Variants in ZFYVE28 observed in about 807,000 individuals in gnomAD.
ZFYVE28 encodes the protein lateral signaling target protein 2 homolog.
In ZFYVE28, 40 loss-of-function variants were observed where a neutral mutation model predicts 82.1. The ratio of observed to expected loss-of-function variants is 0.49; its 90% CI spans 0.38 to 0.63. The LOEUF (loss-of-function observed/expected upper bound fraction) is 0.63. Among genes scored for constraint, ZFYVE28 ranks in the 30% least tolerant of loss-of-function variants. The probability of loss-of-function intolerance (pLI) is 0.00; values close to 1 mark genes in which losing one functional copy is unlikely to be tolerated. For synonymous variants in ZFYVE28, 612 were observed against 546.1 expected, an observed-to-expected ratio of 1.12 and a Z score of -1.68; for missense variants, 1,321 against 1,242.1, an observed-to-expected ratio of 1.06 and a Z score of -0.96.
chr4:2,385,650 T>C (rs1729182324), intron 1 of ZFYVE28, among the ~76,000 whole-genome samples: 1 of 152,238 alleles, frequency 6.6e-6, no homozygotes, highest in Non-Finnish European at 1.5e-5. Flanking sequence ...AGGGCTGACC[T>C]CTGACCTCCT....
chr4:2,418,382 G>A lies in ZFYVE28; in HGVS notation c.-59C>T. ...CCTCGCCCTCCGCAGCGCTGCGCCCGGGCCCGGCTGAGGCGCGGGGCGGAC... is the reference window on the plus strand; with the variant it reads ...CCTCGCCCTCCGCAGCGCTGCGCCCAGGCCCGGCTGAGGCGCGGGGCGGAC... On this transcript the variant is annotated 5_prime_UTR_variant, in exon 1 of 13. Coordinates refer to ENST00000290974, the MANE Select transcript of ZFYVE28 (RefSeq NM_020972.3). This position sits in a 1 kb window ranked among gnomAD's most constrained non-coding sequence, Gnocchi z 4.6. The A allele has an allele frequency of 1.6e-6, 2 of 1,237,370 alleles. No homozygotes were observed. Among genetic ancestry groups the A allele is most frequent in the Non-Finnish European group, 1.0e-6 (1 of 984,282 alleles). 76.6% of individuals were successfully genotyped at this position (1,237,370 alleles called of 1,614,324 possible).
At chr4:2,283,894 T>C (rs924105667) in intron 8 of ZFYVE28, among the ~76,000 whole-genome samples, 1 of 152,074 alleles carries the variant, frequency 6.6e-6, no homozygotes, top group African/African-American at 2.4e-5. Context: ...CGACAGACTG[T>C]AGGGAACCCC....
At chr4:2,365,014 G>T in intron 1 of ZFYVE28, 1 of 541,758 alleles carries the variant, frequency 1.8e-6, no homozygotes, top group Non-Finnish European at 2.4e-6. Context: ...GTCAGGCCCC[G>T]CACGCGGAAG....
intron 6 of ZFYVE28, among the ~76,000 whole-genome samples, chr4:2,322,539 C>T (rs750412450): frequency 2.0e-4 from 31 of 152,240 alleles, no homozygotes; most frequent in Non-Finnish European, 2.6e-4. Context: ...GAGGACGCCC[C>T]GCACAGTGGA....
intron 8 of ZFYVE28, among the ~76,000 whole-genome samples, chr4:2,278,262 C>G (rs185810247): frequency 9.4e-4 from 138 of 147,284 alleles, no homozygotes; most frequent in Non-Finnish European, 1.6e-3. Context: ...ACATGGCTTA[C>G]CGCAGCTTTG....
chr4:2,273,398 G>A, intron 9 of ZFYVE28, 109 bp from the exon 10 acceptor site: 1 of 926,914 alleles, frequency 1.1e-6, no homozygotes, highest in Non-Finnish European at 1.6e-6. Context: ...GCCCAGGCCA[G>A]CGTGTTCTCA....
chr4:2,415,282 T>C (rs189467312), intron 1 of ZFYVE28, among the ~76,000 whole-genome samples: 75 of 152,306 alleles, frequency 4.9e-4, no homozygotes, highest in Non-Finnish European at 1.0e-3. Flanking sequence ...TGAATAATAT[T>C]TTCATTTCAG....
In ZFYVE28 at chr4:2,337,604, G is replaced by A. The variant is rs1360216513; in HGVS notation, c.522-108C>T. ...AAAGCTGCAATGCTGGGCAAGGTGGGGGCGGGGGGCCTCACGCCTGTAATC... is the reference window on the plus strand; with the variant it reads ...AAAGCTGCAATGCTGGGCAAGGTGGAGGCGGGGGGCCTCACGCCTGTAATC... On this transcript the variant is annotated intron_variant, in intron 4 of 12. Transcript: ENST00000290974. The A allele has an allele frequency of 4.9e-5, 40 of 822,410 alleles. 2 individuals carry two copies. The highest frequency in any genetic ancestry group is 7.2e-5 in the Non-Finnish European group (38 of 526,976). The allele number at this position is 822,410 out of a possible 1,614,324, so 50.9% of individuals were successfully genotyped here.
chr4:2,406,348 G>A (rs1364822012), intron 1 of ZFYVE28, among the ~76,000 whole-genome samples: 2 of 151,694 alleles, frequency 1.3e-5, no homozygotes, highest in African/African-American at 2.4e-5. Flanking sequence ...CTCCAGCCTG[G>A]GCCACAGAAC....
chr4:2,308,649 G>GAAAGAA (rs1553830549), intron 7 of ZFYVE28, among the ~76,000 whole-genome samples: 1 of 104,400 alleles, frequency 9.6e-6, no homozygotes, highest in Non-Finnish European at 1.9e-5. Flanking sequence ...AAGAAAGAAA[G>GAAAGAA]AAAGAAAGAA....
chr4:2,376,618 A>G (rs1728167666), intron 1 of ZFYVE28, among the ~76,000 whole-genome samples: 1 of 152,178 alleles, frequency 6.6e-6, no homozygotes, highest in African/African-American at 2.4e-5. Context: ...TTATAAAACC[A>G]TCAGATCTCC....
At position 2,337,420 on chromosome 4, in the gene ZFYVE28, C is replaced by T. The variant is rs771657778; in HGVS notation, c.598G>A (p.Glu200Lys). 9.3e-6 allele frequency: 15 copies of T among 1,607,294 alleles called. No individual in the cohort carries two copies. Among genetic ancestry groups the T allele is most frequent in the Admixed American group, 1.7e-5 (1 of 59,416 alleles). Reference sequence around the variant, plus strand: ...CCCTGTGCTCACCTCTCCACCGTCTCGCAGAAGAGCACGATGACCTCCTGC... The same window carrying T: ...CCCTGTGCTCACCTCTCCACCGTCTTGCAGAAGAGCACGATGACCTCCTGC... ...VQQEVIVLFC[E>K]TVERALDFGY... Residue 200 changes from glutamate (E) to lysine (K), a missense_variant, in exon 5 of 13, where the codon GAG (glutamate) becomes AAG (lysine). Physicochemically the swap from Glu to Lys is moderately conservative, Grantham distance 56. Around this residue, in one of 2 missense-constraint regions of ZFYVE28, gnomAD observed 343 missense variants for 408.4 expected, o/e 0.84. Coordinates refer to ENST00000290974, the MANE Select transcript of ZFYVE28 (RefSeq NM_020972.3).
intron 10 of ZFYVE28, 112 bp downstream of exon 10, chr4:2,273,061 G>T: frequency 1.2e-6 from 1 of 860,900 alleles, no homozygotes; most frequent in Non-Finnish European, 1.8e-6. Context: ...TTGCTTGGTC[G>T]GGACCCTATC....
chr4:2,303,797 G>A (rs1160777761), intron 8 of ZFYVE28, among the ~76,000 whole-genome samples: 2 of 152,228 alleles, frequency 1.3e-5, no homozygotes, highest in South Asian at 2.1e-4. Context: ...CCGCGCCCAC[G>A]GCCACGGGTC....
chr4:2,357,151 C>A (rs1028646429), intron 1 of ZFYVE28, among the ~76,000 whole-genome samples: 2 of 152,222 alleles, frequency 1.3e-5, no homozygotes, highest in Non-Finnish European at 2.9e-5. Context: ...TCCGCCTCGG[C>A]CTCCCAAAGT....
intron 1 of ZFYVE28, among the ~76,000 whole-genome samples, chr4:2,398,672 G>A (rs1730758282): frequency 7.2e-6 from 1 of 138,508 alleles, no homozygotes; most frequent in African/African-American, 2.7e-5. Context: ...ACGAGGAGGA[G>A]CGAGATCCAG....
At chr4:2,328,664 A>G (rs1720232767) in intron 6 of ZFYVE28, 1 of 154,204 alleles carries the variant, frequency 6.5e-6, no homozygotes, top group South Asian at 2.1e-4. Flanking sequence ...GCGCAATTAT[A>G]AATTGCCAGT....
At chr4:2,415,396 T>C (rs964269336) in intron 1 of ZFYVE28, among the ~76,000 whole-genome samples, 2 of 151,696 alleles carry the variant, frequency 1.3e-5, no homozygotes, top group Non-Finnish European at 2.9e-5. Context: ...GCAGGAGGAT[T>C]GCTTGAGGCC....
At chr4:2,334,363 C>T (rs899226567) in intron 6 of ZFYVE28, among the ~76,000 whole-genome samples, 6 of 152,026 alleles carry the variant, frequency 3.9e-5, no homozygotes, top group African/African-American at 1.5e-4. Context: ...CTCCCCACTC[C>T]AACAAGGGGT....
Sources: gnomAD v4.1 joint callset for allele counts (sites outside exome capture counted in the v4.1 genomes callset) on GRCh38, gnomAD v4.1.1 for gene constraint, gnomAD v4.1.1 regional missense constraint, Gnocchi (gnomAD v3.1) non-coding constraint, MANE v1.5 for transcripts, NCBI Gene and HGNC (gene_info 2026-07-23, HGNC 2026-07-21) for gene names.